JAKMIP2: variants seen among roughly 807,000 people sequenced by gnomAD.
The protein encoded by JAKMIP2 is janus kinase and microtubule interacting protein 2.
Under a neutral mutation model 115.0 loss-of-function variants are expected in JAKMIP2, and 25 were observed. The observed-to-expected ratio is 0.22, with a 90% CI of 0.16 to 0.30. The LOEUF is 0.30. Among genes scored for constraint, JAKMIP2 ranks in the 10% least tolerant of loss-of-function variants. The pLI is 1.00. For synonymous variants in JAKMIP2, 334 were observed against 343.6 expected (o/e 0.97, Z 0.31); for missense variants, 642 against 957.6 (o/e 0.67, Z 4.35).
At chr5:147,669,111 A>G (rs1759451801) in intron 2 of JAKMIP2, among the ~76,000 whole-genome samples, 1 of 152,198 alleles carries the variant, frequency 6.6e-6, no homozygotes, top group Non-Finnish European at 1.5e-5. Context: ...GAGAGTATAA[A>G]TTCACACCTT....
chr5:147,606,426 T>C (rs1017212221), intron 20 of JAKMIP2, among the ~76,000 whole-genome samples: 2 of 152,228 alleles, frequency 1.3e-5, no homozygotes, highest in African/African-American at 4.8e-5. Flanking sequence ...TGAACACCTT[T>C]TATTAAATAG....
chr5:147,672,448 A>T (rs949849278), intron 1 of JAKMIP2, among the ~76,000 whole-genome samples: 1 of 152,244 alleles, frequency 6.6e-6, no homozygotes, highest in Admixed American at 6.5e-5. Flanking sequence ...TGAGTCACTC[A>T]TATATTCATT....
At chr5:147,756,427 GC>G (rs1360419571) in intron 1 of JAKMIP2, among the ~76,000 whole-genome samples, 1 of 152,150 alleles carries the variant, frequency 6.6e-6, no homozygotes, top group Non-Finnish European at 1.5e-5. Context: ...TATTCAAAAA[GC>G]CTTTGTTCAT....
At chr5:147,669,227 T>C (rs1759458205) in intron 2 of JAKMIP2, among the ~76,000 whole-genome samples, 1 of 152,222 alleles carries the variant, frequency 6.6e-6, no homozygotes, top group Non-Finnish European at 1.5e-5. Context: ...AAATTCCCTT[T>C]GCTCTTTGGC....
Position 147,712,736 on chromosome 5 carries a change from G to A in JAKMIP2, c.-148-40782C>T, listed in dbSNP as rs568541082. Among the ~76,000 whole-genome samples, 18 of 152,186 alleles carry A rather than the reference G, an allele frequency of 1.2e-4. No homozygotes were observed. In the South Asian group the frequency reaches 3.5e-3, roughly 30 times the overall value. The stretch of plus-strand genomic sequence containing the variant: ...TTAATTTTGACATCGTAACCACACA[G>A]CACCCAGCACCCACCCCTTCCACTC... On this transcript the variant is annotated intron_variant, in intron 1 of 21. Coordinates refer to ENST00000616793, the MANE Select transcript of JAKMIP2 (RefSeq NM_001270941.2).
intron 1 of JAKMIP2, among the ~76,000 whole-genome samples, chr5:147,732,662 T>G (rs1753777654): frequency 6.6e-6 from 1 of 152,210 alleles, no homozygotes; most frequent in Admixed American, 6.5e-5. Flanking sequence ...TGCAAAGAAC[T>G]TTATTTGCAT....
chr5:147,698,377 C>T (rs781079774), intron 1 of JAKMIP2, among the ~76,000 whole-genome samples: 2 of 152,024 alleles, frequency 1.3e-5, no homozygotes, highest in Non-Finnish European at 2.9e-5. Flanking sequence ...TGGGTTAATG[C>T]TGGAATGAGT....
At chr5:147,597,938 G>C (rs1001432318) in intron 21 of JAKMIP2, among the ~76,000 whole-genome samples, 8 of 152,020 alleles carry the variant, frequency 5.3e-5, no homozygotes, top group African/African-American at 1.9e-4. Context: ...CAAGCCTTTG[G>C]CCTTTGACTG....
rs977015835 is a variant in JAKMIP2, at chr5:147,702,477, A to G, written c.-148-30523T>C. ...AGGAAGGAAGGAAGGGAGGGAGGGA[A>G]GGAAGAGAAAAGAGGAAAGGAAAGG... On this transcript the variant is annotated intron_variant, in intron 1 of 21. Coordinates refer to ENST00000616793, the MANE Select transcript of JAKMIP2 (RefSeq NM_001270941.2). Among the ~76,000 whole-genome samples the G allele has an allele frequency of 1.2e-4, 14 of 118,618 alleles. No individual in the cohort carries two copies. In the East Asian group the frequency reaches 1.7e-3, roughly 14 times the overall value. The allele number at this position is 118,618 out of a possible 152,430, so 77.8% of individuals were successfully genotyped here.
At chr5:147,626,721 G>T (rs1461897097) in intron 16 of JAKMIP2, among the ~76,000 whole-genome samples, 2 of 152,308 alleles carry the variant, frequency 1.3e-5, no homozygotes. Context: ...GGGAGCAGAA[G>T]ATATTTCTCC....
intron 8 of JAKMIP2, 103 bp downstream of exon 8, chr5:147,641,605 C>G (rs1757882020): frequency 1.3e-6 from 1 of 788,620 alleles, no homozygotes; most frequent in South Asian, 1.6e-5. Flanking sequence ...TGCAACAGTT[C>G]TGGAACACCT....
intron 1 of JAKMIP2, among the ~76,000 whole-genome samples, chr5:147,699,472 A>T (rs1261335695): frequency 1.3e-5 from 2 of 152,198 alleles, no homozygotes; most frequent in South Asian, 4.1e-4. Flanking sequence ...CTCTTTAAAT[A>T]ACAGCAAGAC....
intron 5 of JAKMIP2, among the ~76,000 whole-genome samples, chr5:147,645,282 T>G (rs1457994008): frequency 6.6e-6 from 1 of 152,130 alleles, no homozygotes; most frequent in Non-Finnish European, 1.5e-5. Flanking sequence ...GAGGACGCGC[T>G]CTCCTTGCTT....
chr5:147,657,105 T>C (rs202180936), intron 3 of JAKMIP2, among the ~76,000 whole-genome samples: 1 of 151,992 alleles, frequency 6.6e-6, no homozygotes, highest in Non-Finnish European at 1.5e-5. Context: ...TGGTGAAACC[T>C]CATCTCTACT....
intron 13 of JAKMIP2, among the ~76,000 whole-genome samples, chr5:147,632,352 C>T (rs995424951): frequency 6.6e-6 from 1 of 152,116 alleles, no homozygotes; most frequent in Non-Finnish European, 1.5e-5. Context: ...TATTTAAAAA[C>T]AACGAATGTT....
chr5:147,660,831 G>T (rs1758917119), intron 3 of JAKMIP2, 117 bp downstream of exon 3: 2 of 1,169,628 alleles, frequency 1.7e-6, no homozygotes, highest in Non-Finnish European at 2.4e-6. Context: ...CTGGACAAAA[G>T]GTAGGCACTG....
intron 3 of JAKMIP2, 62 bp from the exon 4 acceptor site, chr5:147,650,609 A>AGAGCTTCTGCACAGCAAAAGAAACTACC: frequency 7.7e-7 from 1 of 1,303,094 alleles, no homozygotes; most frequent in South Asian, 1.2e-5. Context: ...ACATTTTTAC[A>AGAGCTTCTGCACAGCAAAAGAAACTACC]ATGGTGTAGG....
At chr5:147,713,824 A>G (rs1752869693) in intron 1 of JAKMIP2, among the ~76,000 whole-genome samples, 1 of 152,150 alleles carries the variant, frequency 6.6e-6, no homozygotes, top group Non-Finnish European at 1.5e-5. Flanking sequence ...CTTGATTATT[A>G]TTCTTGTTTT....
At chr5:147,691,406 G>C (rs1002101313) in intron 1 of JAKMIP2, among the ~76,000 whole-genome samples, 3 of 152,082 alleles carry the variant, frequency 2.0e-5, no homozygotes, top group Admixed American at 2.0e-4. Flanking sequence ...ACTATGCTAG[G>C]CTTAAAAGGC....
Sources: allele counts gnomAD v4.1 joint callset (sites outside exome capture counted in the v4.1 genomes callset), GRCh38; gene constraint gnomAD v4.1.1; transcripts MANE v1.5; gene names NCBI Gene and HGNC (gene_info 2026-07-23, HGNC 2026-07-21).